The following VPS26B variants were observed in gnomAD, a reference collection of about 807,000 sequenced individuals.
VPS26B encodes VPS26 retromer complex component B.
A neutral mutation model predicts 33.3 loss-of-function variants in VPS26B; 10 were observed. The observed-to-expected ratio is 0.30, with a 90% confidence interval of 0.19 to 0.51. The LOEUF is 0.51. VPS26B is among the 20% of genes least tolerant of loss of function. The pLI is 0.98. For missense variants in VPS26B, 317 were observed against 452.7 expected, an observed-to-expected ratio of 0.70 and a Z score of 2.72; for synonymous variants, 190 against 176.9, an observed-to-expected ratio of 1.07 and a Z score of -0.59.
chr11:134,238,578 G>GTATT (rs1449598541), intron 2 of VPS26B, among the ~76,000 whole-genome samples: 1 of 152,100 alleles, frequency 6.6e-6, no homozygotes, highest in South Asian at 2.1e-4. Context: ...ATATCTTTAT[G>GTATT]TATTTATTTA....
chr11:134,245,421 T>C lies in VPS26B; in HGVS notation c.865-23T>C, dbSNP rs1938795024. ...CCATGCCTCCCTCTAAGGTGTCACA[T>C]TGCCCCCCTTTCAATTCTGCAGGAA... On this transcript the variant is annotated intron_variant, in intron 5 of 5. Coordinates refer to ENST00000281187, the MANE Select transcript of VPS26B (RefSeq NM_052875.5). The surrounding 1 kb of genome is among the most constrained non-coding windows in gnomAD (Gnocchi z 4.7). 16 of 1,613,622 alleles carry C rather than the reference T, an allele frequency of 9.9e-6. No homozygotes were observed. The highest frequency in any genetic ancestry group is 2.7e-5 in the African/African-American group (2 of 74,930).
intron 3 of VPS26B, among the ~76,000 whole-genome samples, chr11:134,241,694 T>C (rs190408323): frequency 1.3e-5 from 2 of 152,256 alleles, no homozygotes; most frequent in Admixed American, 6.5e-5. Flanking sequence ...CCAAAGCTAG[T>C]GTGGAAAAGG....
chr11:134,235,550 T>G (rs982982173), intron 2 of VPS26B: 1 of 152,528 alleles, frequency 6.6e-6, no homozygotes, highest in African/African-American at 2.4e-5. Context: ...ACACTCCTGC[T>G]GGCTGGGTGT....
rs763183145 is a variant in VPS26B, at chr11:134,234,979, G to A, written c.306G>A (p.Ser102=). ...CCCGGCCTGGAGAGATCACCCAGTC[G>A]CAGGCCTTCGACTTTGAGTTTACCC... ...DLARPGEITQ[S]QAFDFEFTHV... The change falls in exon 2 of 6, where the codon TCG becomes TCA. Residue 102 remains serine (S), a synonymous_variant. Transcript: ENST00000281187. The A allele has an allele frequency of 4.3e-5, 70 of 1,614,028 alleles. No homozygotes were observed. The highest frequency in any genetic ancestry group is 1.7e-4 in the African/African-American group (13 of 74,914).
At chr11:134,243,358 G>A in intron 4 of VPS26B, 64 bp downstream of exon 4, 1 of 1,582,912 alleles carries the variant, frequency 6.3e-7, no homozygotes, top group Non-Finnish European at 8.6e-7. Context: ...ACAGAATTCT[G>A]GAGGGGCTTG....
At chr11:134,241,553 G>A (rs554008664) in intron 3 of VPS26B, among the ~76,000 whole-genome samples, 2 of 152,276 alleles carry the variant, frequency 1.3e-5, no homozygotes, top group African/African-American at 2.4e-5. Flanking sequence ...AGGGCTCTGC[G>A]GTCCTGCCCA....
chr11:134,231,445 AG>A (rs1402338482), intron 1 of VPS26B, among the ~76,000 whole-genome samples: 2 of 152,176 alleles, frequency 1.3e-5, no homozygotes, highest in Admixed American at 1.3e-4. Context: ...CAGAGGTGCC[AG>A]TGCTTCTGGG....
chr11:134,245,131 G>A lies in VPS26B; in HGVS notation c.864+51G>A. 2 of 1,593,114 alleles carry A rather than the reference G, an allele frequency of 1.3e-6. No individual in the cohort carries two copies. Among genetic ancestry groups the A allele is most frequent in the Non-Finnish European group, 8.5e-7 (1 of 1,171,648 alleles). On this transcript the variant is annotated intron_variant, in intron 5 of 5. Coordinates refer to ENST00000281187, the MANE Select transcript of VPS26B (RefSeq NM_052875.5). This position sits in a 1 kb window ranked among gnomAD's most constrained non-coding sequence, Gnocchi z 4.7. ...CGATGCCCTTGGGACAGAACAGGAGGCTCTCTTTCCTATGGAAGGTCAGAC... is the reference window on the plus strand; with the variant it reads ...CGATGCCCTTGGGACAGAACAGGAGACTCTCTTTCCTATGGAAGGTCAGAC...
chr11:134,231,779 G>A (rs1206433542), intron 1 of VPS26B, among the ~76,000 whole-genome samples: 1 of 152,200 alleles, frequency 6.6e-6, no homozygotes, highest in African/African-American at 2.4e-5. Flanking sequence ...TGGCCAGGCT[G>A]GTCTCAAACT....
intron 1 of VPS26B, among the ~76,000 whole-genome samples, chr11:134,229,573 C>T (rs1228261287): frequency 6.6e-6 from 1 of 152,188 alleles, no homozygotes; most frequent in Non-Finnish European, 1.5e-5. Flanking sequence ...ATCTAGAAGT[C>T]ATTTTGAAGT....
chr11:134,228,427 A>G (rs1300485769), intron 1 of VPS26B, among the ~76,000 whole-genome samples: 1 of 151,380 alleles, frequency 6.6e-6, no homozygotes, highest in African/African-American at 2.4e-5. Context: ...AAGATGTACT[A>G]TTTGGAAGTC....
intron 1 of VPS26B, among the ~76,000 whole-genome samples, chr11:134,233,103 A>G (rs1048503647): frequency 3.3e-5 from 5 of 152,168 alleles, no homozygotes; most frequent in Non-Finnish European, 7.3e-5. Flanking sequence ...GAGTGTTTGG[A>G]AAGGAAGGTC....
At position 134,225,311 on chromosome 11, in the gene VPS26B, C is replaced by T. The variant is rs781760540; in HGVS notation, c.189C>T (p.His63=). The part of the protein sequence containing the change: ...ALKNPNKRLE[H]QGIKIEFIGQ... ...AGAACCCCAACAAGCGGCTGGAGCA[C>T]CAGGGCATCAAGATCGAGTTCATCG... is the stretch of plus-strand genomic sequence containing the variant. The change falls in exon 1 of 6, where the codon CAC becomes CAT. Residue 63 remains histidine (H), a synonymous_variant. Transcript: ENST00000281187. 5.6e-6 allele frequency: 9 copies of T among 1,613,934 alleles called. No homozygotes were observed. The African/African-American group carries it at 9.3e-5, about 17-fold the overall frequency.
In VPS26B at chr11:134,240,181, G is replaced by C; in HGVS notation, c.545+26G>C. The C allele has an allele frequency of 6.2e-7, 1 of 1,613,016 alleles. No homozygotes were observed. The highest frequency in any genetic ancestry group is 1.1e-5 in the South Asian group (1 of 91,056). ...GTAAGTGTCTCAGTGCCAAGGTTGT[G>C]AAATGATTATTTAAGGAGGTTAAGA... On this transcript the variant is annotated intron_variant, in intron 3 of 5. Coordinates refer to ENST00000281187, the MANE Select transcript of VPS26B (RefSeq NM_052875.5). The surrounding 1 kb of genome is among the most constrained non-coding windows in gnomAD (Gnocchi z 4.4).
At chr11:134,236,159 T>A (rs180700732) in intron 2 of VPS26B, among the ~76,000 whole-genome samples, 11,422 of 151,458 alleles carry the variant, frequency 0.075, 751 homozygotes, top group African/African-American at 0.18. Flanking sequence ...AAAAAAAAAA[T>A]TTTTTTAATT....
chr11:134,226,821 C>G (rs1468202298), intron 1 of VPS26B, among the ~76,000 whole-genome samples: 1 of 152,166 alleles, frequency 6.6e-6, no homozygotes, highest in Non-Finnish European at 1.5e-5. Context: ...TGGCCTGGCT[C>G]TTGGGTTCAC....
chr11:134,244,183 T>G lies in VPS26B; in HGVS notation c.722-755T>G, dbSNP rs1938775264. ...GTGCAAATAGAGCCAGCTGTCATTT[T>G]TCCTGTACAAATGAAATGGGTCACT... On this transcript the variant is annotated intron_variant, in intron 4 of 5. Coordinates refer to ENST00000281187, the MANE Select transcript of VPS26B (RefSeq NM_052875.5). This position sits in a 1 kb window ranked among gnomAD's most constrained non-coding sequence, Gnocchi z 4.0. 6.6e-6 allele frequency: 1 copy of G among 152,230 alleles called. No homozygotes were observed. Among genetic ancestry groups the G allele is most frequent in the Non-Finnish European group, 1.5e-5 (1 of 68,036 alleles). The allele number at this position is 152,230 out of a possible 1,614,324, so 9.4% of individuals were successfully genotyped here. A position where few individuals can be genotyped will look rare whatever the true frequency, so the allele number is the denominator to read the frequency against.
At chr11:134,235,083 A>G (rs1046858542) in intron 2 of VPS26B, 30 bp downstream of exon 2, 20 of 1,600,084 alleles carry the variant, frequency 1.2e-5, no homozygotes, top group Non-Finnish European at 1.6e-5. Context: ...TCCCCACTGT[A>G]CCCTAGAACC....
Position 134,240,115 on chromosome 11 carries a change from G to A in VPS26B, c.505G>A (p.Glu169Lys), listed in dbSNP as rs1453730530. 5 of 1,614,208 alleles carry A rather than the reference G, an allele frequency of 3.1e-6. No individual in the cohort carries two copies. The highest frequency in any genetic ancestry group is 4.2e-6 in the Non-Finnish European group (5 of 1,180,038). The change falls in exon 3 of 6, where the codon GAG becomes AAG. Residue 169 changes from glutamate (E) to lysine (K), a missense_variant. Transcript: ENST00000281187. This position sits in a 1 kb window ranked among gnomAD's most constrained non-coding sequence, Gnocchi z 4.4. Reference sequence around the variant, plus strand: ...TTCCATCAAGATGGAGGTTGGGATTGAGGACTGTCTGCACATTGAATTTGA... The same window carrying A: ...TTCCATCAAGATGGAGGTTGGGATTAAGGACTGTCTGCACATTGAATTTGA... ...NSSIKMEVGI[E>K]DCLHIEFEYN...
Sources: gnomAD v4.1 joint callset for allele counts (sites outside exome capture counted in the v4.1 genomes callset) on GRCh38, gnomAD v4.1.1 for gene constraint, Gnocchi (gnomAD v3.1) non-coding constraint, MANE v1.5 for transcripts, NCBI Gene and HGNC (gene_info 2026-07-23, HGNC 2026-07-21) for gene names.